The following PRKCSH variants were observed in gnomAD, a reference collection of about 807,000 sequenced individuals.
PRKCSH encodes glucosidase 2 subunit beta.
A neutral mutation model predicts 79.7 loss-of-function variants in PRKCSH; 42 were observed. The ratio of observed to expected loss-of-function variants is 0.53; its 90% confidence interval spans 0.41 to 0.68. The LOEUF is 0.68. Among genes scored for constraint, PRKCSH ranks in the 30% least tolerant of loss-of-function variants. The pLI is 0.00. For missense variants in PRKCSH, 686 were observed against 709.0 expected (o/e 0.97, Z 0.37); for synonymous variants, 325 against 288.2 (o/e 1.13, Z -1.29).
In PRKCSH at chr19:11,447,538, G is replaced by A. The variant is rs1970371870; in HGVS notation, c.949G>A (p.Glu317Lys). ...VPSSPTEEEE[E>K]EEEEEEEEAE... is the part of the protein sequence containing the mutation. ...CTCGTCGCCCACAGAGGAGGAGGAG[G>A]AGGAGGAGGAGGAGGAGGAAGAAGA... is the stretch of plus-strand genomic sequence containing the variant. Residue 317 changes from glutamate (E) to lysine (K), a missense_variant, in exon 11 of 18, where the codon GAG (glutamate) becomes AAG (lysine). Physicochemically the swap from Glu to Lys is moderately conservative, Grantham distance 56 (BLOSUM62 1). Around this residue, in one of 2 missense-constraint regions of PRKCSH, gnomAD observed 549 missense variants for 520.2 expected, o/e 1.06. Coordinates refer to ENST00000677123, the MANE Select transcript of PRKCSH (RefSeq NM_001289104.2). This position sits in a 1 kb window ranked among gnomAD's most constrained non-coding sequence, Gnocchi z 5.6. The A allele has an allele frequency of 6.2e-7, 1 of 1,601,898 alleles. No individual in the cohort carries two copies. The highest frequency in any genetic ancestry group is 1.1e-5 in the South Asian group (1 of 89,620).
chr19:11,450,002 CCTGG>C (rs1183256685), intron 17 of PRKCSH: 1 of 159,634 alleles, frequency 6.3e-6, no homozygotes, highest in Non-Finnish European at 1.4e-5. Context: ...CGCCACCACG[CCTGG>C]CTAATTTTTT....
intron 5 of PRKCSH, 88 bp downstream of exon 5, chr19:11,438,212 C>T: frequency 1.4e-6 from 2 of 1,422,652 alleles, no homozygotes; most frequent in Non-Finnish European, 2.0e-6. Flanking sequence ...CTCTCTTCTG[C>T]TTTTCTGTAT....
intron 6 of PRKCSH, 49 bp from the exon 7 acceptor site, chr19:11,442,337 G>A (rs1970099751): frequency 6.5e-7 from 1 of 1,548,730 alleles, no homozygotes; most frequent in Non-Finnish European, 8.7e-7. Context: ...AGTCAATGAG[G>A]AGGAGGCAGA....
rs775580011 is a variant in PRKCSH at position 11,436,423 on chromosome 19, C to T, written c.114C>T (p.Thr38=). ...HHFYDESKPF[T]CLDGSATIPF... The stretch of plus-strand genomic sequence containing the variant: ...TCTACGATGAGTCCAAGCCTTTCAC[C>T]TGCCTGGACGGTTCGGCCACCATCC... The change falls in exon 3 of 18, where the codon ACC becomes ACT. Residue 38 remains threonine (T), a synonymous_variant. Transcript: ENST00000677123. The T allele has an allele frequency of 1.2e-6, 2 of 1,614,190 alleles. No homozygotes were observed. The highest frequency in any genetic ancestry group is 1.7e-6 in the Non-Finnish European group (2 of 1,180,038).
rs573199123 is a variant in PRKCSH at position 11,438,306 on chromosome 19, C to T, written c.350+182C>T. 1.8e-4 allele frequency among the ~76,000 whole-genome samples: 27 copies of T among 152,164 alleles called. 2 individuals carry two copies. The highest frequency in any genetic ancestry group is 2.8e-4 in the Non-Finnish European group (19 of 68,010). On this transcript the variant is annotated intron_variant, in intron 5 of 17. Coordinates refer to ENST00000677123, the MANE Select transcript of PRKCSH (RefSeq NM_001289104.2). ...TCTGGAAGCAGGTAGGATTGTTTCC[C>T]GATTCAACAGATGGGGGAACTCAAG...
intron 6 of PRKCSH, among the ~76,000 whole-genome samples, chr19:11,441,667 A>G (rs1471286908): frequency 6.6e-6 from 1 of 152,126 alleles, no homozygotes; most frequent in Non-Finnish European, 1.5e-5. Context: ...CTGTGGTGCC[A>G]TTGCCTGTAA....
intron 3 of PRKCSH, among the ~76,000 whole-genome samples, chr19:11,437,016 C>A (rs1198938099): frequency 6.6e-6 from 1 of 152,062 alleles, no homozygotes; most frequent in Non-Finnish European, 1.5e-5. Flanking sequence ...AGCCACCGTG[C>A]CTGGATGAGA....
At position 11,447,160 on chromosome 19, in the gene PRKCSH, G is replaced by A; in HGVS notation, c.849G>A (p.Glu283=). ...CCATCAGGGACAAGTACCGGTCCGA[G>A]GTCAGTGGAGGAGAAGGGAGGGGAC... ...WAAIRDKYRS[E]ALPTDLPAPS... is the part of the protein sequence containing the mutation. Residue 283 remains glutamate (E), a splice_region_variant and synonymous_variant, in exon 10 of 18, where the codon GAG becomes GAA. Coordinates refer to ENST00000677123, the MANE Select transcript of PRKCSH (RefSeq NM_001289104.2). The surrounding 1 kb of genome is among the most constrained non-coding windows in gnomAD (Gnocchi z 5.6). 2 of 1,613,746 alleles carry A rather than the reference G, an allele frequency of 1.2e-6. No individual in the cohort carries two copies. The highest frequency in any genetic ancestry group is 1.7e-6 in the Non-Finnish European group (2 of 1,179,716).
At chr19:11,436,294 C>T (rs755890395) in intron 2 of PRKCSH, 95 bp from the exon 3 acceptor site, 5 of 1,579,984 alleles carry the variant, frequency 3.2e-6, no homozygotes, top group South Asian at 2.2e-5. Context: ...CTCAGTTTCC[C>T]GGTAGTGCTC....
intron 8 of PRKCSH, 100 bp downstream of exon 8, chr19:11,445,573 C>A: frequency 8.3e-7 from 1 of 1,203,112 alleles, no homozygotes; most frequent in Non-Finnish European, 1.2e-6. Context: ...TCCTTGGGTT[C>A]CCCCGGCGTG....
In PRKCSH at chr19:11,449,087, C is replaced by T; in HGVS notation, c.1373C>T (p.Ser458Leu). The T allele has an allele frequency of 6.2e-7, 1 of 1,613,590 alleles. No individual in the cohort carries two copies. Among genetic ancestry groups the T allele is most frequent in the Non-Finnish European group, 8.5e-7 (1 of 1,180,020 alleles). The change falls in exon 16 of 18, where the codon TCA becomes TTA. Residue 458 changes from serine to leucine, a missense_variant. By Grantham distance (145) the Ser-to-Leu change is moderately radical (BLOSUM62 -2). Transcript: ENST00000677123. The surrounding 1 kb of genome is among the most constrained non-coding windows in gnomAD (Gnocchi z 6.4). ...TGTGTCTCTCACAGCACCTGGGGCT[C>T]ATGGATTGGCCCCGACCACGACAAG... The part of the protein sequence containing the change: ...GSPTSLGTWG[S>L]WIGPDHDKFS...
At position 11,439,376 on chromosome 19, in the gene PRKCSH, G is replaced by C. The variant is rs189939141; in HGVS notation, c.350+1252G>C. ...GCTTGAGCCCAGGAGTTTGAGACCA[G>C]CCTGGGCAAAATAGCGATACCCTAT... On this transcript the variant is annotated intron_variant, in intron 5 of 17. Transcript: ENST00000677123. 5.5e-3 allele frequency among the ~76,000 whole-genome samples: 827 copies of C among 151,134 alleles called. 9 individuals carry two copies. The highest frequency in any genetic ancestry group is 0.013 in the South Asian group (64 of 4,794).
At chr19:11,443,735 A>C (rs947803887) in intron 7 of PRKCSH, among the ~76,000 whole-genome samples, 1 of 152,074 alleles carries the variant, frequency 6.6e-6, no homozygotes, top group Non-Finnish European at 1.5e-5. Context: ...AGCTTTTTCT[A>C]TCTGGGGTTT....
At chr19:11,437,145 C>G (rs1403339004) in intron 3 of PRKCSH, among the ~76,000 whole-genome samples, 1 of 152,038 alleles carries the variant, frequency 6.6e-6, no homozygotes, top group African/African-American at 2.4e-5. Flanking sequence ...ACACCGTTCT[C>G]CTGCCTCAGC....
At chr19:11,446,178 C>T (rs887016597) in intron 8 of PRKCSH, 94 bp from the exon 9 acceptor site, 1 of 1,368,332 alleles carries the variant, frequency 7.3e-7, no homozygotes. Flanking sequence ...CAGGGTGGGG[C>T]CCTGCAGGGA....
rs1489701409 is a variant in PRKCSH, at chr19:11,438,754, CAAAAAAAAAGCAAAA to C, written c.350+643_350+657del. Among the ~76,000 whole-genome samples the C allele has an allele frequency of 9.3e-5, 6 of 64,772 alleles. No individual in the cohort carries two copies. In the Admixed American group the frequency reaches 9.3e-4, roughly 10 times the overall value. The allele number at this position is 64,772 out of a possible 152,430, so 42.5% of individuals were successfully genotyped here. A position where few individuals can be genotyped will look rare whatever the true frequency, so the allele number is the denominator to read the frequency against. ...TGGGCAACAGAGTGAGACTCCGTCT[CAAAAAAAAAGCAAAA>C]AAAAAAAAAGCATACAACAGAAGGA... On this transcript the variant is annotated intron_variant, in intron 5 of 17. Transcript: ENST00000677123.
chr19:11,436,201 G>A lies in PRKCSH; in HGVS notation c.79+5G>A. The A allele has an allele frequency of 6.3e-7, 1 of 1,583,572 alleles. No homozygotes were observed. The highest frequency in any genetic ancestry group is 8.6e-7 in the Non-Finnish European group (1 of 1,168,294). On this transcript the variant is annotated splice_donor_5th_base_variant and intron_variant, in intron 2 of 17. Transcript: ENST00000677123. ...CCCGGGGCGTCTCCCTCACCAGTGAGTCCTCCTGTTCACCCTCCCGCCAGG... is the reference window on the plus strand; with the variant it reads ...CCCGGGGCGTCTCCCTCACCAGTGAATCCTCCTGTTCACCCTCCCGCCAGG...
At chr19:11,435,828 G>A in intron 1 of PRKCSH, 122 bp downstream of exon 1, 1 of 1,327,934 alleles carries the variant, frequency 7.5e-7, no homozygotes, top group Non-Finnish European at 1.0e-6. Context: ...CGGGAATTGG[G>A]TCACAATTGG....
chr19:11,442,363 T>A, intron 6 of PRKCSH, 23 bp from the exon 7 acceptor site: 1 of 1,571,580 alleles, frequency 6.4e-7, no homozygotes, highest in Non-Finnish European at 8.6e-7. Context: ...GGAGAGCTGG[T>A]CTCTTGCCTT....
Sources: allele counts gnomAD v4.1 joint callset (sites outside exome capture counted in the v4.1 genomes callset), GRCh38; gene constraint gnomAD v4.1.1; regional missense constraint gnomAD v4.1.1; non-coding constraint Gnocchi (gnomAD v3.1); transcripts MANE v1.5; gene names NCBI Gene and HGNC (gene_info 2026-07-23, HGNC 2026-07-21).